CDH8: variants seen among roughly 807,000 people sequenced by gnomAD.
CDH8 encodes the protein cadherin 8.
CDH8 carries 17 observed loss-of-function variants against 68.1 expected under a neutral mutation model. The ratio of observed to expected loss-of-function variants is 0.25; its 90% confidence interval spans 0.17 to 0.37. CDH8 has a LOEUF of 0.37. Among genes scored for constraint, CDH8 ranks in the 10% least tolerant of loss-of-function variants. The probability of loss-of-function intolerance (pLI) is 1.00; values close to 1 mark genes in which losing one functional copy is unlikely to be tolerated. For synonymous variants in CDH8, 372 were observed against 365.1 expected, an observed-to-expected ratio of 1.02 and a Z score of -0.21; for missense variants, 763 against 999.3, an observed-to-expected ratio of 0.76 and a Z score of 3.19.
chr16:62,025,119 C>T (rs184299830), intron 1 of CDH8, among the ~76,000 whole-genome samples: 5 of 152,074 alleles, frequency 3.3e-5, no homozygotes, highest in African/African-American at 9.6e-5. Context: ...ATTTAAATGT[C>T]GAAATAGAAT....
At chr16:61,919,979 C>T (rs1354828418) in intron 2 of CDH8, among the ~76,000 whole-genome samples, 8 of 151,824 alleles carry the variant, frequency 5.3e-5, no homozygotes, top group African/African-American at 1.9e-4. Context: ...CTTTGACAAA[C>T]CTGAGACAAA....
intron 9 of CDH8, chr16:61,726,369 T>C (rs867222816): frequency 6.6e-6 from 1 of 150,788 alleles, no homozygotes; most frequent in Non-Finnish European, 1.5e-5. Context: ...CAGATATTTG[T>C]TTCTGTTCAT....
Position 62,021,271 on chromosome 16 carries a change from C to T in CDH8, c.133G>A (p.Glu45Lys), listed in dbSNP as rs898414408. ...SQVLMSGSPL[E>K]LNSLGEEQRI... ...TGTTCTTCACCCAGACTGTTTAGTT[C>T]CAAAGGGGATCCACTCATTAAAACT... Residue 45 changes from glutamate (E) to lysine (K), a missense_variant, in exon 2 of 12, where the codon GAA becomes AAA. By Grantham distance (56) the Glu-to-Lys change is moderately conservative. Around this residue, in one of 2 missense-constraint regions of CDH8, gnomAD observed 366 missense variants for 563.1 expected, o/e 0.65. Coordinates refer to ENST00000577390, the MANE Select transcript of CDH8 (RefSeq NM_001796.5). 1.2e-6 allele frequency: 2 copies of T among 1,613,958 alleles called. No individual in the cohort carries two copies. The highest frequency in any genetic ancestry group is 1.3e-5 in the African/African-American group (1 of 75,010).
intron 10 of CDH8, among the ~76,000 whole-genome samples, chr16:61,706,751 C>T (rs1247055134): frequency 6.6e-6 from 1 of 151,936 alleles, no homozygotes; most frequent in Non-Finnish European, 1.5e-5. Flanking sequence ...ATCTCATTGC[C>T]TGGTGTTTTT....
At chr16:62,008,443 T>C (rs1901723538) in intron 2 of CDH8, among the ~76,000 whole-genome samples, 1 of 152,098 alleles carries the variant, frequency 6.6e-6, no homozygotes, top group African/African-American at 2.4e-5. Flanking sequence ...TTTTTTTGCT[T>C]GTGTCTTTCC....
chr16:61,848,260 C>T (rs74538143), intron 4 of CDH8, among the ~76,000 whole-genome samples: 42 of 152,172 alleles, frequency 2.8e-4, no homozygotes, highest in African/African-American at 7.5e-4. Context: ...CCCATCCCAA[C>T]GCATCCCAGT....
chr16:61,881,769 C>T (rs1048326516), intron 3 of CDH8, among the ~76,000 whole-genome samples: 4 of 152,184 alleles, frequency 2.6e-5, no homozygotes, highest in South Asian at 2.1e-4. Context: ...AATTCCTTCT[C>T]GTGGTTACCT....
chr16:61,948,028 A>G (rs375765932), intron 2 of CDH8, among the ~76,000 whole-genome samples: 5 of 152,154 alleles, frequency 3.3e-5, no homozygotes, highest in Non-Finnish European at 5.9e-5. Flanking sequence ...TAGTTATCCA[A>G]TACCCAAGAG....
chr16:61,666,736 AG>A (rs1408691270), intron 10 of CDH8, among the ~76,000 whole-genome samples: 1 of 152,064 alleles, frequency 6.6e-6, no homozygotes, highest in African/African-American at 2.4e-5. Flanking sequence ...GTCAAAACAA[AG>A]AAAAAAATGC....
intron 7 of CDH8, among the ~76,000 whole-genome samples, chr16:61,799,988 C>A (rs1199885947): frequency 6.6e-6 from 1 of 152,076 alleles, no homozygotes; most frequent in Non-Finnish European, 1.5e-5. Context: ...AGCTCACTGT[C>A]ACCTTCACTT....
In CDH8 at chr16:61,713,955, T is replaced by C; in HGVS notation, c.1540A>G (p.Ile514Val). The C allele has an allele frequency of 1.3e-6, 2 of 1,576,972 alleles. No individual in the cohort carries two copies. Among genetic ancestry groups the C allele is most frequent in the Non-Finnish European group, 1.7e-6 (2 of 1,146,902 alleles). ...TTGTCCATGGCGCTAACAGTTTGAA[T>C]GACCTGAAACATAAAACTTGACGTC... is the stretch of plus-strand genomic sequence containing the variant. ...LCENGKPGQVIQTVSAMDKDD... is the reference protein window; with the variant it reads ...LCENGKPGQVVQTVSAMDKDD... Residue 514 changes from isoleucine to valine, a missense_variant, in exon 10 of 12, where the codon ATT (isoleucine) becomes GTT (valine). By Grantham distance (29) the Ile-to-Val change is conservative. Around this residue, in one of 2 missense-constraint regions of CDH8, gnomAD observed 397 missense variants for 436.2 expected, o/e 0.91. Transcript: ENST00000577390.
chr16:61,853,447 G>A (rs1354927591), intron 4 of CDH8, among the ~76,000 whole-genome samples: 1 of 152,088 alleles, frequency 6.6e-6, no homozygotes, highest in African/African-American at 2.4e-5. Context: ...GTATGAATGT[G>A]ACTGCCTTAT....
intron 8 of CDH8, among the ~76,000 whole-genome samples, chr16:61,768,778 G>A (rs1960703115): frequency 6.6e-6 from 1 of 151,560 alleles, no homozygotes; most frequent in African/African-American, 2.4e-5. Flanking sequence ...CAGGTAATAA[G>A]CTGTTTCCAT....
intron 3 of CDH8, among the ~76,000 whole-genome samples, chr16:61,878,360 A>C (rs889728600): frequency 1.3e-5 from 2 of 152,210 alleles, no homozygotes; most frequent in African/African-American, 4.8e-5. Flanking sequence ...TCTTGAAAAA[A>C]TAATTCATGT....
At chr16:61,663,294 A>C (rs1231965060) in intron 10 of CDH8, among the ~76,000 whole-genome samples, 4 of 152,024 alleles carry the variant, frequency 2.6e-5, no homozygotes, top group Non-Finnish European at 5.9e-5. Context: ...GATTATGAAC[A>C]AAAATATTTA....
intron 4 of CDH8, among the ~76,000 whole-genome samples, chr16:61,852,791 C>G (rs1962962346): frequency 6.6e-6 from 1 of 151,756 alleles, no homozygotes; most frequent in Non-Finnish European, 1.5e-5. Context: ...TCCCTTTATC[C>G]TCCCTGCTTC....
At chr16:61,801,595 GC>G (rs1237908934) in intron 7 of CDH8, among the ~76,000 whole-genome samples, 2 of 152,176 alleles carry the variant, frequency 1.3e-5, no homozygotes, top group African/African-American at 4.8e-5. Flanking sequence ...GTGGGCGCAG[GC>G]CAGTGGGTGC....
intron 10 of CDH8, among the ~76,000 whole-genome samples, chr16:61,703,851 A>T (rs1964481665): frequency 6.6e-6 from 1 of 152,116 alleles, no homozygotes; most frequent in Non-Finnish European, 1.5e-5. Flanking sequence ...AAAAGTTTTC[A>T]TGCGTATTAC....
chr16:61,915,332 C>A (rs1964221606), intron 2 of CDH8, among the ~76,000 whole-genome samples: 1 of 152,174 alleles, frequency 6.6e-6, no homozygotes, highest in African/African-American at 2.4e-5. Flanking sequence ...ATATTATATT[C>A]ATTGTCTATT....
Sources: gnomAD v4.1 joint callset for allele counts (sites outside exome capture counted in the v4.1 genomes callset) on GRCh38, gnomAD v4.1.1 for gene constraint, gnomAD v4.1.1 regional missense constraint, MANE v1.5 for transcripts, NCBI Gene and HGNC (gene_info 2026-07-23, HGNC 2026-07-21) for gene names.